Variants in TBCD observed in about 807,000 individuals in gnomAD.
The protein encoded by TBCD is tubulin-specific chaperone D.
Under a neutral mutation model 169.3 loss-of-function variants are expected in TBCD, and 105 were observed. The ratio of observed to expected loss-of-function variants is 0.62; its 90% confidence interval spans 0.53 to 0.73. The LOEUF is 0.73. Among genes scored for constraint, TBCD ranks in the 30% least tolerant of loss-of-function variants. The probability of loss-of-function intolerance (pLI) is 0.00; values close to 1 mark genes in which losing one functional copy is unlikely to be tolerated. For missense variants in TBCD, 1,444 were observed against 1,600.1 expected, an observed-to-expected ratio of 0.90 and a Z score of 1.66; for synonymous variants, 700 against 643.9, an observed-to-expected ratio of 1.09 and a Z score of -1.32.
chr17:82,797,739 CTTTTT>C lies in TBCD; in HGVS notation c.772-7_772-3del. ...TATTTGTATTTGTAACATTAAAAAT[CTTTTT>C]TTTTTTTTTTAGGCACAAATATTTA... On this transcript the variant is annotated splice_polypyrimidine_tract_variant and intron_variant, in intron 7 of 38. Transcript: ENST00000355528. 1 of 1,331,552 alleles carries C rather than the reference CTTTTT, an allele frequency of 7.5e-7. No homozygotes were observed. The highest frequency in any genetic ancestry group is 1.0e-6 in the Non-Finnish European group (1 of 989,822). The allele number at this position is 1,331,552 out of a possible 1,614,324, so 82.5% of individuals were successfully genotyped here.
rs1416457536 is a variant in TBCD at position 82,942,757 on chromosome 17, C to T, written c.*294C>T. 3 of 521,542 alleles carry T rather than the reference C, an allele frequency of 5.8e-6. No individual in the cohort carries two copies. In the East Asian group the frequency reaches 1.0e-4, roughly 18 times the overall value. The allele number at this position is 521,542 out of a possible 1,614,324, so 32.3% of individuals were successfully genotyped here. A position where few individuals can be genotyped will look rare whatever the true frequency, so the allele number is the denominator to read the frequency against. ...TGTGTGTAGGGGTGATGGAAAGGCT[C>T]ACTGCCCAGGGGTCAGCCAGAGGGG... On this transcript the variant is annotated 3_prime_UTR_variant, in exon 39 of 39. Coordinates refer to ENST00000355528, the MANE Select transcript of TBCD (RefSeq NM_005993.5).
Position 82,941,393 on chromosome 17 carries a change from T to C in TBCD, c.3480-6T>C. The C allele has an allele frequency of 3.2e-6, 5 of 1,584,862 alleles. No individual in the cohort carries two copies. Among genetic ancestry groups the C allele is most frequent in the Non-Finnish European group, 4.3e-6 (5 of 1,170,730 alleles). On this transcript the variant is annotated splice_region_variant and splice_polypyrimidine_tract_variant and intron_variant, in intron 37 of 38. Coordinates refer to ENST00000355528, the MANE Select transcript of TBCD (RefSeq NM_005993.5). ...GAGAGACTCACGGCTCTCCCTCTCC[T>C]CACAGGGACGCGGAGCTTGCAGTGG...
intron 3 of TBCD, 140 bp from the exon 4 acceptor site, chr17:82,766,127 A>G (rs2048005001): frequency 1.9e-5 from 13 of 689,570 alleles, no homozygotes; most frequent in Non-Finnish European, 2.5e-5. Flanking sequence ...GTCTTACTAA[A>G]TTGTGTCACT....
intron 23 of TBCD, 40 bp downstream of exon 23, chr17:82,911,829 C>A (rs761857961): frequency 1.8e-5 from 29 of 1,611,090 alleles, no homozygotes; most frequent in Non-Finnish European, 2.3e-5. Context: ...CAGCCCTTTG[C>A]CGCAGCCATC....
chr17:82,814,810 C>G, intron 12 of TBCD, 30 bp from the exon 13 acceptor site: 1 of 1,610,022 alleles, frequency 6.2e-7, no homozygotes, highest in South Asian at 1.1e-5. Flanking sequence ...GACACGTGGG[C>G]TGTGGTCTCA....
At chr17:82,802,668 C>G (rs371177125) in intron 9 of TBCD, among the ~76,000 whole-genome samples, 11 of 152,366 alleles carry the variant, frequency 7.2e-5, no homozygotes, top group South Asian at 4.1e-4. Context: ...GGCTTCCCCC[C>G]TCCTCAGGGA....
chr17:82,906,125 T>G, intron 20 of TBCD, 72 bp downstream of exon 20: 1 of 1,209,070 alleles, frequency 8.3e-7, no homozygotes, highest in Non-Finnish European at 1.2e-6. Flanking sequence ...CACAGTGCTC[T>G]CCAGTTCGAG....
chr17:82,942,605 C>T lies in TBCD; in HGVS notation c.*142C>T, dbSNP rs1461194985. 3 of 1,123,954 alleles carry T rather than the reference C, an allele frequency of 2.7e-6. No individual in the cohort carries two copies. 69.6% of individuals were successfully genotyped at this position (1,123,954 alleles called of 1,614,324 possible). ...GCCCTTGGAGGCTGGCACTAGCTGA[C>T]AGCTTTTCCTCTCTGCACCTGCGCT... On this transcript the variant is annotated 3_prime_UTR_variant, in exon 39 of 39. Coordinates refer to ENST00000355528, the MANE Select transcript of TBCD (RefSeq NM_005993.5).
chr17:82,760,548 A>G (rs550774572), intron 2 of TBCD, among the ~76,000 whole-genome samples: 4 of 152,310 alleles, frequency 2.6e-5, no homozygotes. Flanking sequence ...GCTGATGTCT[A>G]GTGAAGATAT....
intron 14 of TBCD, among the ~76,000 whole-genome samples, chr17:82,879,391 C>T (rs1006456267): frequency 2.0e-5 from 3 of 152,146 alleles, no homozygotes; most frequent in Non-Finnish European, 2.9e-5. Context: ...TGCTGCCGTG[C>T]GTCTGCCGTC....
At chr17:82,758,397 A>AAAAT (rs2047539369) in intron 2 of TBCD, among the ~76,000 whole-genome samples, 1 of 127,422 alleles carries the variant, frequency 7.8e-6, no homozygotes, top group African/African-American at 3.0e-5. Flanking sequence ...AAAAAAAAAA[A>AAAAT]AAAAAATAAA....
intron 12 of TBCD, among the ~76,000 whole-genome samples, chr17:82,810,627 G>A (rs528918439): frequency 6.6e-6 from 1 of 152,238 alleles, no homozygotes; most frequent in Non-Finnish European, 1.5e-5. Context: ...GCTCACACGT[G>A]TGAGGCATCG....
In TBCD at chr17:82,752,213, C is replaced by G; in HGVS notation, c.20C>G (p.Pro7Arg). 2 of 1,521,882 alleles carry G rather than the reference C, an allele frequency of 1.3e-6. No homozygotes were observed. Among genetic ancestry groups the G allele is most frequent in the South Asian group, 1.2e-5 (1 of 82,016 alleles). The allele number at this position is 1,521,882 out of a possible 1,614,324, so 94.3% of individuals were successfully genotyped here. The change falls in exon 1 of 39, where the codon CCG becomes CGG. Residue 7 changes from proline to arginine, a missense_variant. Pro to Arg is a moderately radical substitution (Grantham distance 103). Transcript: ENST00000355528. MALSDE[P>R]AAGGPEEEAE... ...GCCGAGATGGCCCTGAGCGACGAACCGGCCGCGGGCGGCCCCGAGGAGGAG... is the reference window on the plus strand; with the variant it reads ...GCCGAGATGGCCCTGAGCGACGAACGGGCCGCGGGCGGCCCCGAGGAGGAG...
At chr17:82,909,390 C>A in intron 22 of TBCD, 83 bp downstream of exon 22, 2 of 1,183,876 alleles carry the variant, frequency 1.7e-6, no homozygotes, top group South Asian at 2.9e-5. Context: ...CGGGTGTGTT[C>A]GCTTCCCTCT....
rs1201251421 is a variant in TBCD, at chr17:82,806,157, G to A, written c.1087+146G>A. The A allele has an allele frequency of 2.7e-6, 3 of 1,121,780 alleles. No homozygotes were observed. Among genetic ancestry groups the A allele is most frequent in the Non-Finnish European group, 3.7e-6 (3 of 801,606 alleles). The allele number at this position is 1,121,780 out of a possible 1,614,324, so 69.5% of individuals were successfully genotyped here. ...TTCGCTGAGTGCACGGTCACTGCCCGTCCTCTGGCTCCTGAACCCAGGCCT... is the reference window on the plus strand; with the variant it reads ...TTCGCTGAGTGCACGGTCACTGCCCATCCTCTGGCTCCTGAACCCAGGCCT... On this transcript the variant is annotated intron_variant, in intron 10 of 38. Coordinates refer to ENST00000355528, the MANE Select transcript of TBCD (RefSeq NM_005993.5). The surrounding 1 kb of genome is among the most constrained non-coding windows in gnomAD (Gnocchi z 5.1).
In TBCD at chr17:82,830,714, C is replaced by T. The variant is rs755748728; in HGVS notation, c.1318+15780C>T. On this transcript the variant is annotated intron_variant, in intron 13 of 38. Transcript: ENST00000355528. ...CTGGCGGTTTCCGCCTGGGGGCTGC[C>T]TTGGTACGTGGGTTCGTGGGTGGCT... The T allele has an allele frequency of 2.5e-5, 40 of 1,613,934 alleles. No homozygotes were observed. In the South Asian group the frequency reaches 4.3e-4, roughly 17 times the overall value.
chr17:82,756,554 A>G (rs2143795292), intron 2 of TBCD, among the ~76,000 whole-genome samples: 1 of 151,864 alleles, frequency 6.6e-6, no homozygotes, highest in Admixed American at 6.6e-5. Flanking sequence ...ATCTCAGCTC[A>G]CTGCATCCTC....
chr17:82,752,849 GA>G (rs1255483538), intron 1 of TBCD, among the ~76,000 whole-genome samples: 1 of 152,186 alleles, frequency 6.6e-6, no homozygotes, highest in Non-Finnish European at 1.5e-5. Flanking sequence ...GAGAGAGGGG[GA>G]CGCAGGGAAC....
intron 22 of TBCD, 100 bp downstream of exon 22, chr17:82,909,407 A>G (rs886104852): frequency 5.0e-5 from 48 of 961,164 alleles, no homozygotes; most frequent in Middle Eastern, 2.8e-4. Context: ...CTCTCTGCCT[A>G]TGTGTGTTTG....
Sources: allele counts gnomAD v4.1 joint callset (sites outside exome capture counted in the v4.1 genomes callset), GRCh38; gene constraint gnomAD v4.1.1; non-coding constraint Gnocchi (gnomAD v3.1); transcripts MANE v1.5; gene names NCBI Gene and HGNC (gene_info 2026-07-23, HGNC 2026-07-21).